The following RHPN1 variants were observed in gnomAD, a reference collection of about 807,000 sequenced individuals.
The protein encoded by RHPN1 is rhophilin Rho GTPase binding protein 1.
Under a neutral mutation model 74.7 loss-of-function variants are expected in RHPN1, and 77 were observed. The ratio of observed to expected loss-of-function variants is 1.03; its 90% CI spans 0.86 to 1.25. RHPN1 has a LOEUF of 1.25. Ranked by LOEUF, RHPN1 falls within the 50% of genes most tolerant of loss-of-function variation. RHPN1 has a pLI of 0.00. For synonymous variants in RHPN1, 444 were observed against 414.5 expected (o/e 1.07, Z -0.87); for missense variants, 987 against 932.2 (o/e 1.06, Z -0.77).
upstream of RHPN1, among the ~76,000 whole-genome samples, chr8:143,366,137 T>TC (rs1817553064): frequency 1.2e-5 from 1 of 84,712 alleles, no homozygotes; most frequent in Non-Finnish European, 3.2e-5. Flanking sequence ...TGTCTCAATT[T>TC]TTTTTTCTTT....
chr8:143,379,072 G>T lies in RHPN1; in HGVS notation c.745G>T (p.Ala249Ser). 1 of 1,517,830 alleles carries T rather than the reference G, an allele frequency of 6.6e-7. No homozygotes were observed. The highest frequency in any genetic ancestry group is 8.8e-7 in the Non-Finnish European group (1 of 1,133,612). The allele number at this position is 1,517,830 out of a possible 1,614,324, so 94.0% of individuals were successfully genotyped here. The change falls in exon 7 of 15, where the codon GCC becomes TCC. Residue 249 changes from alanine to serine, a missense_variant. By Grantham distance (99) the Ala-to-Ser change is moderately conservative (BLOSUM62 1). Transcript: ENST00000289013. ...ARRAMEAFQR[A>S]AGAFSLLREN... is the part of the protein sequence containing the mutation. ...CCGCGCTATGGAGGCCTTCCAGAGGGCCGCTGGTGAGGGCGGCCCGGGCCG... is the reference window on the plus strand; with the variant it reads ...CCGCGCTATGGAGGCCTTCCAGAGGTCCGCTGGTGAGGGCGGCCCGGGCCG...
In RHPN1 at chr8:143,379,950, A is replaced by G; in HGVS notation, c.1067A>G (p.His356Arg). Residue 356 changes from histidine to arginine, a missense_variant, in exon 9 of 15, where the codon CAC becomes CGC. Coordinates refer to ENST00000289013, the MANE Select transcript of RHPN1 (RefSeq NM_052924.3). ...VKAEYFRSLA[H>R]YHVAMALCDG... ...GCCGAGTACTTCCGCTCCCTGGCCC[A>G]CTACCACGTAGCCATGGCCCTCTGC... The G allele has an allele frequency of 6.3e-7, 1 of 1,578,312 alleles. No individual in the cohort carries two copies. The highest frequency in any genetic ancestry group is 8.6e-7 in the Non-Finnish European group (1 of 1,163,362).
chr8:143,368,320 G>A (rs1186249809), upstream of RHPN1: 1 of 153,554 alleles, frequency 6.5e-6, no homozygotes, highest in Non-Finnish European at 1.5e-5. Flanking sequence ...CCTCCGCTCC[G>A]CGGGCAGAGA....
chr8:143,377,033 C>T (rs995259390), intron 3 of RHPN1, among the ~76,000 whole-genome samples: 2 of 135,056 alleles, frequency 1.5e-5, no homozygotes, highest in Admixed American at 7.6e-5. Context: ...TGCGTGTATG[C>T]ACGTGTGTCT....
At chr8:143,370,899 G>A (rs1817778041) in intron 1 of RHPN1, among the ~76,000 whole-genome samples, 1 of 152,216 alleles carries the variant, frequency 6.6e-6, no homozygotes, top group East Asian at 1.9e-4. Flanking sequence ...GGGGGAGCAG[G>A]CTGCAGAGGG....
intron 1 of RHPN1, among the ~76,000 whole-genome samples, chr8:143,372,486 C>T (rs1432683971): frequency 6.6e-6 from 1 of 151,812 alleles, no homozygotes; most frequent in Non-Finnish European, 1.5e-5. Flanking sequence ...AAGTGCACAT[C>T]GGCCCGTCCG....
Position 143,382,951 on chromosome 8 carries a change from T to C in RHPN1, c.*300T>C. 1 of 429,826 alleles carries C rather than the reference T, an allele frequency of 2.3e-6. No individual in the cohort carries two copies. Among genetic ancestry groups the C allele is most frequent in the South Asian group, 2.8e-5 (1 of 35,732 alleles). 26.6% of individuals were successfully genotyped at this position (429,826 alleles called of 1,614,324 possible). On this transcript the variant is annotated 3_prime_UTR_variant, in exon 15 of 15. Transcript: ENST00000289013. ...GTGCTCCTCACAGCCATCCCATCTG[T>C]ACCCCCGGGCTCTGTCCACCCTGCT...
rs1257987159 is a variant in RHPN1, at chr8:143,375,586, C to T, written c.94C>T (p.Gln32Ter). ...CDSLTQIQCG[Q>*]LQSRRAQIHQ... ...CTCCCTGACGCAGATCCAGTGCGGCCAGCTGCAGAGCCGCAGGGCCCAGAT... is the reference window on the plus strand; with the variant it reads ...CTCCCTGACGCAGATCCAGTGCGGCTAGCTGCAGAGCCGCAGGGCCCAGAT... The change falls in exon 2 of 15, where the codon CAG becomes TAG. Residue 32 changes from glutamine to a stop codon, truncating the protein, a stop_gained. Coordinates refer to ENST00000289013, the MANE Select transcript of RHPN1 (RefSeq NM_052924.3). LOFTEE classifies it high-confidence loss of function. 2 of 1,605,638 alleles carry T rather than the reference C, an allele frequency of 1.2e-6. No homozygotes were observed. The highest frequency in any genetic ancestry group is 1.1e-5 in the South Asian group (1 of 90,082).
intron 11 of RHPN1, among the ~76,000 whole-genome samples, 173 bp from the exon 12 acceptor site, chr8:143,381,095 G>A (rs1019444881): frequency 2.0e-5 from 3 of 152,190 alleles, no homozygotes; most frequent in African/African-American, 7.2e-5. Flanking sequence ...GGCAGAGGGG[G>A]CCGTGTGTTC....
In RHPN1 at chr8:143,375,643, C is replaced by T. The variant is rs373261318; in HGVS notation, c.151C>T (p.Arg51Trp). ...GCAGATTGACAAGGAGCTGCAGATG[C>T]GGACGGGCGCTGAGAACCTCTACAG... ...HQQIDKELQMRTGAENLYRAT... is the reference protein window; with the variant it reads ...HQQIDKELQMWTGAENLYRAT... The change falls in exon 2 of 15, where the codon CGG (arginine) becomes TGG (tryptophan). Residue 51 changes from arginine to tryptophan, a missense_variant. Physicochemically the swap from Arg to Trp is moderately radical, Grantham distance 101 (BLOSUM62 -3). Transcript: ENST00000289013. 6.8e-5 allele frequency: 109 copies of T among 1,607,832 alleles called. No individual in the cohort carries two copies. Among genetic ancestry groups the T allele is most frequent in the Non-Finnish European group, 8.4e-5 (99 of 1,177,902 alleles).
At chr8:143,377,105 C>T (rs1481651463) in intron 3 of RHPN1, among the ~76,000 whole-genome samples, 6 of 146,862 alleles carry the variant, frequency 4.1e-5, no homozygotes, top group East Asian at 4.1e-4. Flanking sequence ...TGTGTGCGTG[C>T]GCATGTGTGT....
At chr8:143,367,537 C>T (rs746454766), upstream of RHPN1, 7 of 152,418 alleles carry the variant, frequency 4.6e-5, no homozygotes, top group East Asian at 1.9e-4. Context: ...CAGGAGGTTT[C>T]GCGTGGCTGG....
In RHPN1 at chr8:143,378,356, T is replaced by TCGGGGGGGGGGGCG; in HGVS notation, c.459+11_459+12insGGGGGGGGGGGCGC. 2 of 1,525,436 alleles carry TCGGGGGGGGGGGCG rather than the reference T, an allele frequency of 1.3e-6. No individual in the cohort carries two copies. Among genetic ancestry groups the TCGGGGGGGGGGGCG allele is most frequent in the Non-Finnish European group, 1.8e-6 (2 of 1,136,346 alleles). The allele number at this position is 1,525,436 out of a possible 1,614,324, so 94.5% of individuals were successfully genotyped here. A position where few individuals can be genotyped will look rare whatever the true frequency, so the allele number is the denominator to read the frequency against. ...GGAGGCCCTGCGGCAGGTGTGTGGT[T>TCGGGGGGGGGGGCG]CCCCCGCCCACCCACCCTCCTGCAG... On this transcript the variant is annotated intron_variant, in intron 5 of 14. Coordinates refer to ENST00000289013, the MANE Select transcript of RHPN1 (RefSeq NM_052924.3).
chr8:143,376,572 G>C lies in RHPN1; in HGVS notation c.224G>C (p.Ser75Thr). 4 of 1,611,294 alleles carry C rather than the reference G, an allele frequency of 2.5e-6. No individual in the cohort carries two copies. The highest frequency in any genetic ancestry group is 3.4e-6 in the Non-Finnish European group (4 of 1,179,120). The change falls in exon 3 of 15, where the codon AGC becomes ACC. Residue 75 changes from serine (S) to threonine (T), a missense_variant. Coordinates refer to ENST00000289013, the MANE Select transcript of RHPN1 (RefSeq NM_052924.3). ...RVRETVALEL[S>T]YVNSNLQLLK... ...AGAGAGACGGTCGCCCTGGAGCTGA[G>C]CTACGTCAACTCCAACCTGCAGCTG... is the stretch of plus-strand genomic sequence containing the variant.
chr8:143,377,506 A>G, intron 4 of RHPN1, 51 bp downstream of exon 4: 2 of 1,395,278 alleles, frequency 1.4e-6, no homozygotes, highest in South Asian at 2.4e-5. Flanking sequence ...CCTGGGACCA[A>G]GGGGGTCTTG....
rs1818524361 is a variant in RHPN1, at chr8:143,379,338, A to C, written c.775A>C (p.Asn259His). The change falls in exon 8 of 15, where the codon AAC becomes CAC. Residue 259 changes from asparagine to histidine, a missense_variant. Asn to His is a moderately conservative substitution (Grantham distance 68). Transcript: ENST00000289013. Reference sequence around the variant, plus strand: ...AGGGGCCTTCAGCCTCCTGAGGGAGAACTTCTCCCATGCGCCGAGCCCAGA... The same window carrying C: ...AGGGGCCTTCAGCCTCCTGAGGGAGCACTTCTCCCATGCGCCGAGCCCAGA... The part of the protein sequence containing the change: ...AAGAFSLLRE[N>H]FSHAPSPDMS... 2 of 1,597,822 alleles carry C rather than the reference A, an allele frequency of 1.3e-6. No homozygotes were observed. The highest frequency in any genetic ancestry group is 2.2e-5 in the South Asian group (2 of 89,312).
At chr8:143,381,758 G>A (rs1000359334) in intron 13 of RHPN1, 40 bp downstream of exon 13, 1 of 1,605,084 alleles carries the variant, frequency 6.2e-7, no homozygotes, top group African/African-American at 1.3e-5. Flanking sequence ...AGTCCTTGGT[G>A]CCAGCCAGGG....
In RHPN1 at chr8:143,377,893, T is replaced by C. The variant is rs60457759; in HGVS notation, c.382-376T>C. On this transcript the variant is annotated intron_variant, in intron 4 of 14. Coordinates refer to ENST00000289013, the MANE Select transcript of RHPN1 (RefSeq NM_052924.3). The stretch of plus-strand genomic sequence containing the variant: ...CCTGGCAGGGCCCCACGGGAGCCAC[T>C]GACTGTGTTCCGTGTCCGAGTCACT... Among the ~76,000 whole-genome samples, 1,261 of 152,310 alleles carry C rather than the reference T, an allele frequency of 8.3e-3. 15 individuals are homozygous for C. Among genetic ancestry groups the C allele is most frequent in the African/African-American group, 0.028 (1,153 of 41,574 alleles).
intron 1 of RHPN1, 54 bp downstream of exon 1, chr8:143,369,101 C>A: frequency 7.3e-7 from 1 of 1,361,122 alleles, no homozygotes; most frequent in Non-Finnish European, 9.6e-7. Context: ...CCGGCCTTTT[C>A]CTGCCCCCCC....
Sources: allele counts gnomAD v4.1 joint callset (sites outside exome capture counted in the v4.1 genomes callset), GRCh38; gene constraint gnomAD v4.1.1; transcripts MANE v1.5; gene names NCBI Gene and HGNC (gene_info 2026-07-23, HGNC 2026-07-21).